Variants in THSD4 observed in about 807,000 individuals in gnomAD.
THSD4 encodes the protein thrombospondin type 1 domain containing 4, also known as thrombospondin type-1 domain-containing protein 4.
In THSD4, 69 loss-of-function variants were observed where a neutral mutation model predicts 119.0. The observed-to-expected ratio is 0.58, with a 90% CI of 0.48 to 0.71. The LOEUF is 0.71. THSD4 is among the 30% of genes least tolerant of loss of function. THSD4 has a pLI of 0.00. For synonymous variants in THSD4, 524 were observed against 540.4 expected (o/e 0.97, Z 0.42); for missense variants, 1,393 against 1,391.1 (o/e 1.00, Z -0.02).
At chr15:71,110,269 A>C (rs2040293762) in intron 1 of THSD4, 1 of 152,234 alleles carries the variant, frequency 6.6e-6, no homozygotes, top group Non-Finnish European at 1.5e-5. Flanking sequence ...GGATTTGCTT[A>C]AGTTTGCATT....
At chr15:71,452,536 A>AAAAAC (rs2047280301) in intron 7 of THSD4, among the ~76,000 whole-genome samples, 1 of 152,084 alleles carries the variant, frequency 6.6e-6, no homozygotes, top group Non-Finnish European at 1.5e-5. Flanking sequence ...AAAAAAAAAA[A>AAAAAC]AAAAATTCAT....
chr15:71,687,138 A>G (rs527701369), intron 8 of THSD4, among the ~76,000 whole-genome samples: 1 of 152,318 alleles, frequency 6.6e-6, no homozygotes. Flanking sequence ...TCTGAGCATG[A>G]GGCAGGTGGC....
chr15:71,234,844 A>G (rs1292663370), intron 4 of THSD4, among the ~76,000 whole-genome samples: 1 of 152,128 alleles, frequency 6.6e-6, no homozygotes, highest in Non-Finnish European at 1.5e-5. Context: ...AGAAGGAATG[A>G]CTGAAGTGCA....
At chr15:71,609,853 AAAAAAAAAAAAAAAG>A (rs1175936369) in intron 7 of THSD4, among the ~76,000 whole-genome samples, 2 of 147,104 alleles carry the variant, frequency 1.4e-5, no homozygotes, top group Admixed American at 1.4e-4. Context: ...CTCCGTCTCA[AAAAAAAAAAAAAAAG>A]AAAAAAAGAA....
intron 6 of THSD4, among the ~76,000 whole-genome samples, chr15:71,343,617 G>A (rs1285573482): frequency 6.6e-6 from 1 of 151,798 alleles, no homozygotes; most frequent in Non-Finnish European, 1.5e-5. Flanking sequence ...CTTCTGCTCT[G>A]TGTGTTTCTG....
At chr15:71,374,759 T>G (rs2046108087) in intron 6 of THSD4, among the ~76,000 whole-genome samples, 1 of 152,148 alleles carries the variant, frequency 6.6e-6, no homozygotes. Flanking sequence ...ACGCCCAATC[T>G]CTGTTTATAA....
intron 6 of THSD4, among the ~76,000 whole-genome samples, chr15:71,402,966 A>G (rs2046557259): frequency 1.3e-5 from 2 of 152,202 alleles, no homozygotes; most frequent in Non-Finnish European, 2.9e-5. Flanking sequence ...AATTGTGTAC[A>G]TCATCTTTCA....
chr15:71,134,409 G>A lies in THSD4; in HGVS notation c.-79-7040G>A, dbSNP rs145580815. On this transcript the variant is annotated intron_variant, in intron 1 of 17. Transcript: ENST00000261862. ...CAGCGTGCATCTGCAGTGGCTTAGCGCCTTCAGCGCCTTCATTCTCTTCCT... is the reference window on the plus strand; with the variant it reads ...CAGCGTGCATCTGCAGTGGCTTAGCACCTTCAGCGCCTTCATTCTCTTCCT... Among the ~76,000 whole-genome samples, 1,428 of 152,334 alleles carry A rather than the reference G, an allele frequency of 9.4e-3. 21 individuals are homozygous for A. Among genetic ancestry groups the A allele is most frequent in the African/African-American group, 0.032 (1,321 of 41,572 alleles).
intron 8 of THSD4, among the ~76,000 whole-genome samples, chr15:71,678,694 TAAG>T (rs1048936309): frequency 1.3e-5 from 2 of 152,220 alleles, no homozygotes; most frequent in African/African-American, 4.8e-5. Flanking sequence ...TCAACAGCTT[TAAG>T]AATAACTTTT....
intron 7 of THSD4, among the ~76,000 whole-genome samples, chr15:71,638,932 A>G (rs1356118621): frequency 6.6e-6 from 1 of 152,140 alleles, no homozygotes; most frequent in Admixed American, 6.5e-5. Context: ...GGTTGTTGGA[A>G]GCTCCACCAT....
intron 5 of THSD4, among the ~76,000 whole-genome samples, chr15:71,248,479 A>G: frequency 6.6e-6 from 1 of 152,146 alleles, no homozygotes. Flanking sequence ...CAAGGCAGGG[A>G]CAAAATTATG....
intron 7 of THSD4, among the ~76,000 whole-genome samples, chr15:71,483,740 C>T (rs904917085): frequency 4.6e-5 from 7 of 151,770 alleles, no homozygotes; most frequent in African/African-American, 1.7e-4. Flanking sequence ...TCCTGATGCT[C>T]TCCCCGACCC....
At chr15:71,577,132 C>T (rs1207683844) in intron 7 of THSD4, among the ~76,000 whole-genome samples, 3 of 150,458 alleles carry the variant, frequency 2.0e-5, no homozygotes, top group African/African-American at 7.3e-5. Flanking sequence ...AAGTATTTCT[C>T]ATATTCAAAA....
chr15:71,764,917 G>T, intron 15 of THSD4, 103 bp from the exon 16 acceptor site: 1 of 1,399,660 alleles, frequency 7.1e-7, no homozygotes, highest in Non-Finnish European at 9.7e-7. Flanking sequence ...CCTAGAATTG[G>T]TGGTAGAATT....
chr15:71,188,627 G>C (rs1362793981), intron 3 of THSD4, among the ~76,000 whole-genome samples: 1 of 152,088 alleles, frequency 6.6e-6, no homozygotes. Context: ...CCTCTCCCAT[G>C]GCCTGCATGA....
chr15:71,187,142 C>T, intron 3 of THSD4: 1 of 152,670 alleles, frequency 6.6e-6, no homozygotes, highest in East Asian at 1.9e-4. Flanking sequence ...ATGACTGCTC[C>T]TTTGCAAGGG....
chr15:71,359,300 T>C (rs1459960474), intron 6 of THSD4, among the ~76,000 whole-genome samples: 1 of 152,226 alleles, frequency 6.6e-6, no homozygotes, highest in Non-Finnish European at 1.5e-5. Flanking sequence ...ATCACTGTCC[T>C]CTTATTAATC....
chr15:71,129,719 G>A (rs2040485959), intron 1 of THSD4, among the ~76,000 whole-genome samples: 2 of 152,006 alleles, frequency 1.3e-5, no homozygotes, highest in Admixed American at 6.5e-5. Flanking sequence ...AATTTGCTAG[G>A]TTTCTCCCTC....
chr15:71,638,695 T>G, intron 7 of THSD4, among the ~76,000 whole-genome samples: 1 of 152,234 alleles, frequency 6.6e-6, no homozygotes, highest in East Asian at 1.9e-4. Flanking sequence ...TCAGATATTA[T>G]AAATTAGTAT....
Sources: allele counts gnomAD v4.1 joint callset (sites outside exome capture counted in the v4.1 genomes callset), GRCh38; gene constraint gnomAD v4.1.1; transcripts MANE v1.5; gene names NCBI Gene and HGNC (gene_info 2026-07-23, HGNC 2026-07-21).